The following SEC16A variants were observed in gnomAD, a reference collection of about 807,000 sequenced individuals.
The protein encoded by SEC16A is protein transport protein Sec16A.
In SEC16A, 110 loss-of-function variants were observed where a neutral mutation model predicts 221.9. The ratio of observed to expected loss-of-function variants is 0.50; its 90% CI spans 0.42 to 0.58. SEC16A has a LOEUF of 0.58. Among genes scored for constraint, SEC16A ranks in the 20% least tolerant of loss-of-function variants. SEC16A has a pLI of 0.00. For missense variants in SEC16A, 3,165 were observed against 3,097.8 expected (o/e 1.02, Z -0.52); for synonymous variants, 1,393 against 1,257.7 (o/e 1.11, Z -2.28).
chr9:136,444,009 T>C, intron 30 of SEC16A, 109 bp from the exon 31 acceptor site: 1 of 676,544 alleles, frequency 1.5e-6, no homozygotes, highest in Non-Finnish European at 2.4e-6. Flanking sequence ...TACTTTTACA[T>C]AAGCTACAGA....
rs761417807 is a variant in SEC16A at position 136,462,868 on chromosome 9, C to G, written c.4893+19G>C. Reference sequence around the variant, plus strand: ...AGTGGACATGTGCAGGCGCCAGGTGCCATGATGAGGAGGCGCACCTTCTTA... The same window carrying G: ...AGTGGACATGTGCAGGCGCCAGGTGGCATGATGAGGAGGCGCACCTTCTTA... On this transcript the variant is annotated intron_variant, in intron 12 of 31. Transcript: ENST00000684901. The G allele has an allele frequency of 3.2e-5, 51 of 1,596,626 alleles. No homozygotes were observed. Among genetic ancestry groups the G allele is most frequent in the Non-Finnish European group, 4.1e-5 (48 of 1,177,904 alleles).
chr9:136,454,796 C>T (rs1485436545), intron 20 of SEC16A, among the ~76,000 whole-genome samples: 4 of 152,208 alleles, frequency 2.6e-5, no homozygotes, highest in Admixed American at 1.3e-4. Context: ...TCATGGGGGT[C>T]GGGACAGATG....
chr9:136,456,063 C>T lies in SEC16A; in HGVS notation c.5654G>A (p.Arg1885Gln), dbSNP rs748393006. 2.2e-5 allele frequency: 35 copies of T among 1,611,650 alleles called. No individual in the cohort carries two copies. Among genetic ancestry groups the T allele is most frequent in the Middle Eastern group, 1.8e-4 (1 of 5,710 alleles). ...TWLVHLQQVERQIKEGAGVWH... is the reference protein window; with the variant it reads ...TWLVHLQQVEQQIKEGAGVWH... ...AAGCCAAGGCTGTACCTTAATCTGC[C>T]GCTCCACCTGCTGCAGGTGAACCAG... Residue 1885 changes from arginine to glutamine, a missense_variant, in exon 19 of 32, where the codon CGG becomes CAG. Physicochemically the swap from Arg to Gln is conservative, Grantham distance 43. Transcript: ENST00000684901.
rs577028719 is a variant in SEC16A at position 136,465,951 on chromosome 9, T to C, written c.4303+11A>G. ...GTTAGCCGGTATCCCTCTGTCCTGC[T>C]GAGCACACACCTTGCTCCATGGCAG... On this transcript the variant is annotated intron_variant, in intron 8 of 31. Coordinates refer to ENST00000684901, the MANE Select transcript of SEC16A (RefSeq NM_014866.2). 1.2e-6 allele frequency: 2 copies of C among 1,612,400 alleles called. No individual in the cohort carries two copies. Among genetic ancestry groups the C allele is most frequent in the East Asian group, 4.5e-5 (2 of 44,864 alleles).
intron 31 of SEC16A, among the ~76,000 whole-genome samples, chr9:136,443,232 A>G (rs1191937463): frequency 6.6e-6 from 1 of 151,962 alleles, no homozygotes; most frequent in Non-Finnish European, 1.5e-5. Flanking sequence ...TCGTGTCGAC[A>G]GAGCTCCACA....
At chr9:136,443,733 C>A in intron 31 of SEC16A, 90 bp downstream of exon 31, 1 of 839,814 alleles carries the variant, frequency 1.2e-6, no homozygotes, top group South Asian at 1.5e-5. Context: ...AAAAGAGGAT[C>A]TAGGGCAGAA....
chr9:136,472,945 C>T (rs367723608), intron 3 of SEC16A, among the ~76,000 whole-genome samples: 1 of 152,258 alleles, frequency 6.6e-6, no homozygotes, highest in Non-Finnish European at 1.5e-5. Context: ...AGTGAGGCCA[C>T]GGCTTCCCGT....
intron 3 of SEC16A, among the ~76,000 whole-genome samples, chr9:136,472,674 C>T (rs1841034454): frequency 6.6e-6 from 1 of 152,208 alleles, no homozygotes; most frequent in Admixed American, 6.5e-5. Flanking sequence ...TTCGTGGCCA[C>T]AGAATTGTTC....
intron 1 of SEC16A, among the ~76,000 whole-genome samples, chr9:136,479,791 C>T (rs7019026): frequency 0.15 from 22,761 of 151,786 alleles, 1,948 homozygotes; most frequent in Admixed American, 0.25. Flanking sequence ...GAGGACCACT[C>T]GAGTTCAGCA....
intron 4 of SEC16A, among the ~76,000 whole-genome samples, chr9:136,469,848 C>T (rs1469842366): frequency 2.0e-5 from 3 of 152,212 alleles, no homozygotes; most frequent in Admixed American, 6.5e-5. Context: ...GCATGGGGCC[C>T]GGCCCACTTG....
At chr9:136,482,688 A>G (rs1338780423) in intron 1 of SEC16A, among the ~76,000 whole-genome samples, 1 of 152,096 alleles carries the variant, frequency 6.6e-6, no homozygotes, top group Non-Finnish European at 1.5e-5. Flanking sequence ...ACCGCAGCCC[A>G]GCCGGGTCCA....
Position 136,476,135 on chromosome 9 carries a change from C to A in SEC16A, c.1481G>T (p.Gly494Val), listed in dbSNP as rs759700590. ...SDQFRYGPLP[G>V]PAVPRHGAVC... Reference sequence around the variant, plus strand: ...AGCACCATGCCTGGGCACAGCTGGCCCAGGAAGGGGCCCATATCTGAACTG... The same window carrying A: ...AGCACCATGCCTGGGCACAGCTGGCACAGGAAGGGGCCCATATCTGAACTG... Residue 494 changes from glycine (G) to valine (V), a missense_variant, in exon 3 of 32, where the codon GGG becomes GTG. By Grantham distance (109) the Gly-to-Val change is moderately radical. This residue lies in a region of SEC16A where 2,030 missense variants were observed against 1,923.1 expected (regional missense o/e 1.06). Coordinates refer to ENST00000684901, the MANE Select transcript of SEC16A (RefSeq NM_014866.2). 1.9e-6 allele frequency: 3 copies of A among 1,613,710 alleles called. No homozygotes were observed. The Admixed American group carries it at 5.0e-5, about 27-fold the overall frequency.
Position 136,447,472 on chromosome 9 carries a change from A to T in SEC16A, c.6559+97T>A. ...GGAAAAGCACGCAGGGACGTGCGGG[A>T]AGCCACCTCCTCCCCACGCACAACA... On this transcript the variant is annotated intron_variant, in intron 26 of 31. Transcript: ENST00000684901. The surrounding 1 kb of genome is among the most constrained non-coding windows in gnomAD (Gnocchi z 5.5). The T allele has an allele frequency of 6.5e-7, 1 of 1,546,388 alleles. No individual in the cohort carries two copies. The highest frequency in any genetic ancestry group is 8.8e-7 in the Non-Finnish European group (1 of 1,131,916).
intron 23 of SEC16A, chr9:136,448,680 C>A (rs1213594435): frequency 2.9e-6 from 2 of 696,244 alleles, no homozygotes; most frequent in African/African-American, 4.0e-5. Flanking sequence ...AGGTGGGGAG[C>A]AGATCCAGAG....
At position 136,466,314 on chromosome 9, in the gene SEC16A, C is replaced by A; in HGVS notation, c.4078G>T (p.Ala1360Ser). Residue 1360 changes from alanine to serine, a missense_variant, in exon 7 of 32, where the codon GCA becomes TCA. This residue lies in a region of SEC16A where 2,030 missense variants were observed against 1,923.1 expected (regional missense o/e 1.06). Coordinates refer to ENST00000684901, the MANE Select transcript of SEC16A (RefSeq NM_014866.2). The surrounding 1 kb of genome is among the most constrained non-coding windows in gnomAD (Gnocchi z 5.5). ...CTGCGGCGGCTGGCCAGGCTGTGTGCGCTGTGCAGGCTCCGTGCCGAGTGC... is the reference window on the plus strand; with the variant it reads ...CTGCGGCGGCTGGCCAGGCTGTGTGAGCTGTGCAGGCTCCGTGCCGAGTGC... ...SEHSARSLHS[A>S]HSLASRRSSL... 6.4e-7 allele frequency: 1 copy of A among 1,569,666 alleles called. No homozygotes were observed. The highest frequency in any genetic ancestry group is 8.6e-7 in the Non-Finnish European group (1 of 1,158,178).
At position 136,475,326 on chromosome 9, in the gene SEC16A, C is replaced by T; in HGVS notation, c.2290G>A (p.Ala764Thr). The T allele has an allele frequency of 6.2e-7, 1 of 1,612,672 alleles. No homozygotes were observed. Reference protein sequence around the residue: ...QPPVVQPPEEAMSGQQSRNPS... With the variant: ...QPPVVQPPEETMSGQQSRNPS... ...TTCCGTGACTGCTGCCCGGACATCGCCTCTTCTGGAGGCTGAACAACAGGT... is the reference window on the plus strand; with the variant it reads ...TTCCGTGACTGCTGCCCGGACATCGTCTCTTCTGGAGGCTGAACAACAGGT... Residue 764 changes from alanine to threonine, a missense_variant, in exon 3 of 32, where the codon GCG becomes ACG. Physicochemically the swap from Ala to Thr is moderately conservative, Grantham distance 58. Transcript: ENST00000684901. The surrounding 1 kb of genome is among the most constrained non-coding windows in gnomAD (Gnocchi z 5.0).
Position 136,457,426 on chromosome 9 carries a change from A to G in SEC16A, c.5550+18T>C. 6.3e-7 allele frequency: 1 copy of G among 1,590,210 alleles called. No individual in the cohort carries two copies. Among genetic ancestry groups the G allele is most frequent in the Non-Finnish European group, 8.6e-7 (1 of 1,166,404 alleles). ...GCAGTCAGCACAGCATCCCGAGGAC[A>G]GGCGCCAGGGGCAGCACCTGCACAA... On this transcript the variant is annotated intron_variant, in intron 18 of 31. Coordinates refer to ENST00000684901, the MANE Select transcript of SEC16A (RefSeq NM_014866.2).
At position 136,454,105 on chromosome 9, in the gene SEC16A, C is replaced by G; in HGVS notation, c.6076+4G>C. Reference sequence around the variant, plus strand: ...CTCTCGAGACAGCATCTCTGCAGCCCCACCTGGGTCTGGGCTCCTGGCTTC... The same window carrying G: ...CTCTCGAGACAGCATCTCTGCAGCCGCACCTGGGTCTGGGCTCCTGGCTTC... On this transcript the variant is annotated splice_donor_region_variant and intron_variant, in intron 21 of 31. Coordinates refer to ENST00000684901, the MANE Select transcript of SEC16A (RefSeq NM_014866.2). 6.5e-7 allele frequency: 1 copy of G among 1,550,042 alleles called. No homozygotes were observed. The highest frequency in any genetic ancestry group is 8.7e-7 in the Non-Finnish European group (1 of 1,146,902).
chr9:136,448,468 G>A (rs1174046844), intron 23 of SEC16A: 3 of 699,148 alleles, frequency 4.3e-6, no homozygotes, highest in African/African-American at 2.0e-5. Context: ...CAGATCCACA[G>A]AGACACCAGG....
Sources: gnomAD v4.1 joint callset for allele counts (sites outside exome capture counted in the v4.1 genomes callset) on GRCh38, gnomAD v4.1.1 for gene constraint, gnomAD v4.1.1 regional missense constraint, Gnocchi (gnomAD v3.1) non-coding constraint, MANE v1.5 for transcripts, NCBI Gene and HGNC (gene_info 2026-07-23, HGNC 2026-07-21) for gene names.